Variants in GNG7 observed in about 807,000 individuals in gnomAD.
GNG7 encodes G protein subunit gamma 7, also known as guanine nucleotide-binding protein G(I)/G(S)/G(O) subunit gamma-7.
GNG7 carries 1 observed loss-of-function variant against 4.0 expected under a neutral mutation model. The observed-to-expected ratio is 0.25, with a 90% CI of 0.09 to 1.18. GNG7 has a LOEUF of 1.18. Among genes scored for constraint, GNG7 ranks in the 50% most tolerant of loss-of-function variants. GNG7 has a pLI of 0.50. For synonymous variants in GNG7, 34 were observed against 36.9 expected (o/e 0.92, Z 0.29); for missense variants, 86 against 91.9 (o/e 0.94, Z 0.26).
chr19:2,553,301 A>AAAAC (rs1979395526), intron 3 of GNG7, among the ~76,000 whole-genome samples: 1 of 151,058 alleles, frequency 6.6e-6, no homozygotes, highest in Non-Finnish European at 1.5e-5. Context: ...AATTCCTAGA[A>AAAAC]AAACGCGAAT....
intron 1 of GNG7, among the ~76,000 whole-genome samples, chr19:2,668,747 G>A (rs1035591652): frequency 3.9e-5 from 6 of 152,160 alleles, no homozygotes; most frequent in South Asian, 2.1e-4. Context: ...ATAATATGCC[G>A]TGACATCCTG....
In GNG7 at chr19:2,511,970, T is replaced by C; in HGVS notation, c.*3052A>G. 1.0e-6 allele frequency: 1 copy of C among 985,912 alleles called. No individual in the cohort carries two copies. The highest frequency in any genetic ancestry group is 1.2e-6 in the Non-Finnish European group (1 of 829,960). 61.1% of individuals were successfully genotyped at this position (985,912 alleles called of 1,614,324 possible). On this transcript the variant is annotated 3_prime_UTR_variant, in exon 5 of 5. Coordinates refer to ENST00000382159, the MANE Select transcript of GNG7 (RefSeq NM_052847.3). This position sits in a 1 kb window ranked among gnomAD's most constrained non-coding sequence, Gnocchi z 6.3. Reference sequence around the variant, plus strand: ...AACAGGGTCGGGGCCTGGCCCGCTGTGGCCCTTCACCTGGCTACTGGTGTC... The same window carrying C: ...AACAGGGTCGGGGCCTGGCCCGCTGCGGCCCTTCACCTGGCTACTGGTGTC...
intron 3 of GNG7, among the ~76,000 whole-genome samples, chr19:2,552,448 G>A (rs910737522): frequency 9.2e-5 from 14 of 151,968 alleles, no homozygotes; most frequent in African/African-American, 2.7e-4. Context: ...ACAATGGTGC[G>A]ATCTCGGCTC....
chr19:2,545,955 AAAAAC>A (rs71178287), intron 3 of GNG7, among the ~76,000 whole-genome samples: 41 of 151,596 alleles, frequency 2.7e-4, no homozygotes, highest in South Asian at 1.3e-3. Context: ...ACTCTGCCTC[AAAAAC>A]AAAACAAAAC....
At chr19:2,561,920 C>T (rs966338184) in intron 2 of GNG7, among the ~76,000 whole-genome samples, 4 of 152,086 alleles carry the variant, frequency 2.6e-5, no homozygotes, top group Non-Finnish European at 5.9e-5. Flanking sequence ...CTCTTCTTTG[C>T]ACTCTGAAAA....
At position 2,513,618 on chromosome 19, in the gene GNG7, C is replaced by T. The variant is rs1341443097; in HGVS notation, c.*1404G>A. On this transcript the variant is annotated 3_prime_UTR_variant, in exon 5 of 5. Transcript: ENST00000382159. ...GGCCTCAGACAGCCGTCCTGGGTTG[C>T]ACGGGGGTGGAAAAGCAAAAAGATC... 6.1e-6 allele frequency: 6 copies of T among 981,094 alleles called. 1 individual carries two copies. The African/African-American group carries it at 8.7e-5, about 14-fold the overall frequency. The allele number at this position is 981,094 out of a possible 1,614,324, so 60.8% of individuals were successfully genotyped here.
intron 4 of GNG7, among the ~76,000 whole-genome samples, chr19:2,517,451 G>A (rs1241038320): frequency 6.6e-6 from 1 of 151,956 alleles, no homozygotes; most frequent in South Asian, 2.1e-4. Flanking sequence ...TGCAACCTCC[G>A]CCCCCTGGGT....
At chr19:2,696,956 G>A (rs1309472431) in intron 1 of GNG7, among the ~76,000 whole-genome samples, 1 of 152,114 alleles carries the variant, frequency 6.6e-6, no homozygotes, top group Admixed American at 6.5e-5. Context: ...AGGTTCAAGC[G>A]ATTCTCCTGC....
Position 2,653,446 on chromosome 19 carries a change from G to A in GNG7, c.-134-7166C>T, listed in dbSNP as rs1290178836. ...TTGAAATCCACATCCTGAGTGGGGC[G>A]GAGGGAGGAGGAGAATCCCAGGAGC... On this transcript the variant is annotated intron_variant, in intron 1 of 4. Coordinates refer to ENST00000382159, the MANE Select transcript of GNG7 (RefSeq NM_052847.3). This position sits in a 1 kb window ranked among gnomAD's most constrained non-coding sequence, Gnocchi z 4.8. 1.3e-5 allele frequency among the ~76,000 whole-genome samples: 2 copies of A among 152,278 alleles called. No homozygotes were observed. The highest frequency in any genetic ancestry group is 2.9e-5 in the Non-Finnish European group (2 of 68,026).
At chr19:2,622,508 G>T (rs1377350209) in intron 2 of GNG7, among the ~76,000 whole-genome samples, 1 of 152,240 alleles carries the variant, frequency 6.6e-6, no homozygotes, top group East Asian at 1.9e-4. Flanking sequence ...GCTGCTTCCG[G>T]GAAGGGGAAC....
intron 3 of GNG7, among the ~76,000 whole-genome samples, chr19:2,548,456 G>A (rs1276535876): frequency 2.8e-5 from 4 of 142,256 alleles, no homozygotes; most frequent in East Asian, 2.1e-4. Flanking sequence ...ACTCCAGCCC[G>A]GGCGACAGAG....
chr19:2,581,519 C>T (rs1404647290), intron 2 of GNG7, among the ~76,000 whole-genome samples: 1 of 152,056 alleles, frequency 6.6e-6, no homozygotes, highest in Non-Finnish European at 1.5e-5. Context: ...TGTTGTTTAC[C>T]AAACACAGCA....
intron 2 of GNG7, among the ~76,000 whole-genome samples, chr19:2,588,787 C>T (rs535417960): frequency 2.1e-4 from 32 of 152,178 alleles, no homozygotes; most frequent in Non-Finnish European, 3.8e-4. Flanking sequence ...CAGACCCCAC[C>T]AGGTGGTCAT....
chr19:2,674,710 A>G (rs1163160933), intron 1 of GNG7, among the ~76,000 whole-genome samples: 1 of 152,214 alleles, frequency 6.6e-6, no homozygotes, highest in Non-Finnish European at 1.5e-5. Flanking sequence ...TGCTGGGATT[A>G]CAGGCGTGAG....
intron 4 of GNG7, among the ~76,000 whole-genome samples, chr19:2,519,343 A>G (rs1978296528): frequency 6.7e-6 from 1 of 150,000 alleles, no homozygotes; most frequent in Admixed American, 6.7e-5. Context: ...TTTAGGAGAG[A>G]CGGGGTTTCA....
rs2144720461 is a variant in GNG7 at position 2,513,386 on chromosome 19, C to T, written c.*1636G>A. Reference sequence around the variant, plus strand: ...GGAGGGGGTCGGGGCGGCCAGGCCTCCTGCGATCAGGGCTGCGTGGGGTCC... The same window carrying T: ...GGAGGGGGTCGGGGCGGCCAGGCCTTCTGCGATCAGGGCTGCGTGGGGTCC... On this transcript the variant is annotated 3_prime_UTR_variant, in exon 5 of 5. Transcript: ENST00000382159. 3.3e-6 allele frequency: 2 copies of T among 611,034 alleles called. No homozygotes were observed. The highest frequency in any genetic ancestry group is 4.1e-6 in the Non-Finnish European group (2 of 487,878). The allele number at this position is 611,034 out of a possible 1,614,324, so 37.9% of individuals were successfully genotyped here.
chr19:2,674,828 C>T lies in GNG7; in HGVS notation c.-135+27818G>A, dbSNP rs533072994. Reference sequence around the variant, plus strand: ...AACAGAGATCTCCTTATGTGATGGTCGTAACTCGCATTTCCACCCTCGACA... The same window carrying T: ...AACAGAGATCTCCTTATGTGATGGTTGTAACTCGCATTTCCACCCTCGACA... On this transcript the variant is annotated intron_variant, in intron 1 of 4. Transcript: ENST00000382159. Among the ~76,000 whole-genome samples, 7 of 152,272 alleles carry T rather than the reference C, an allele frequency of 4.6e-5. No homozygotes were observed. The East Asian group carries it at 9.6e-4, about 21-fold the overall frequency.
In GNG7 at chr19:2,671,126, C is replaced by T. The variant is rs149315965; in HGVS notation, c.-134-24846G>A. Reference sequence around the variant, plus strand: ...TCGTTCTCTGTGGTCACCCTGGGCACGGCAGGGTGCTGAGCAGCATCCTTG... The same window carrying T: ...TCGTTCTCTGTGGTCACCCTGGGCATGGCAGGGTGCTGAGCAGCATCCTTG... On this transcript the variant is annotated intron_variant, in intron 1 of 4. Transcript: ENST00000382159. Among the ~76,000 whole-genome samples, 10 of 151,978 alleles carry T rather than the reference C, an allele frequency of 6.6e-5. No individual in the cohort carries two copies. In the South Asian group the frequency reaches 8.3e-4, roughly 13 times the overall value.
intron 1 of GNG7, among the ~76,000 whole-genome samples, chr19:2,651,236 CTTCCTTCCT>C (rs1371126987): frequency 2.1e-5 from 2 of 95,438 alleles, no homozygotes; most frequent in African/African-American, 5.9e-5. Flanking sequence ...TCCTTCCTTC[CTTCCTTCCT>C]TTCCTTCCTT....
Sources: gnomAD v4.1 joint callset for allele counts (sites outside exome capture counted in the v4.1 genomes callset) on GRCh38, gnomAD v4.1.1 for gene constraint, Gnocchi (gnomAD v3.1) non-coding constraint, MANE v1.5 for transcripts, NCBI Gene and HGNC (gene_info 2026-07-23, HGNC 2026-07-21) for gene names.